NETO1: variants seen among roughly 807,000 people sequenced by gnomAD.
NETO1 encodes the protein neuropilin and tolloid-like protein 1.
A neutral mutation model predicts 61.3 loss-of-function variants in NETO1; 26 were observed. The observed-to-expected ratio is 0.42, with a 90% CI of 0.31 to 0.59. The LOEUF (loss-of-function observed/expected upper bound fraction) is 0.59. Among genes scored for constraint, NETO1 ranks in the 20% least tolerant of loss-of-function variants. The pLI, the probability that NETO1 is intolerant of heterozygous loss-of-function variation, is 0.12. For missense variants in NETO1, 531 were observed against 662.8 expected (o/e 0.80, Z 2.18); for synonymous variants, 225 against 225.8 (o/e 1.00, Z 0.03).
At chr18:72,806,840 A>G (rs2145173315) in intron 4 of NETO1, among the ~76,000 whole-genome samples, 1 of 152,312 alleles carries the variant, frequency 6.6e-6, no homozygotes, top group South Asian at 2.1e-4. Flanking sequence ...GTTTGTGTAC[A>G]CATCTTTACT....
chr18:72,756,151 A>C lies in NETO1; in HGVS notation c.869-4T>G, dbSNP rs767273627. The C allele has an allele frequency of 1.1e-5, 16 of 1,485,620 alleles. No homozygotes were observed. The highest frequency in any genetic ancestry group is 1.7e-4 in the Middle Eastern group (1 of 5,848). 92.0% of individuals were successfully genotyped at this position (1,485,620 alleles called of 1,614,324 possible). Reference sequence around the variant, plus strand: ...AATGTGTTGCCTTCACAAGGAGCTAAAAAGAAGAAGAACAAGACAAAGGAG... The same window carrying C: ...AATGTGTTGCCTTCACAAGGAGCTACAAAGAAGAAGAACAAGACAAAGGAG... On this transcript the variant is annotated splice_region_variant and splice_polypyrimidine_tract_variant and intron_variant, in intron 7 of 10. Coordinates refer to ENST00000327305, the MANE Select transcript of NETO1 (RefSeq NM_138966.5).
At chr18:72,778,220 C>T (rs1219432006) in intron 7 of NETO1, among the ~76,000 whole-genome samples, 1 of 152,166 alleles carries the variant, frequency 6.6e-6, no homozygotes, top group Non-Finnish European at 1.5e-5. Context: ...CTCTGACATA[C>T]CTTCAGTGTC....
chr18:72,763,028 T>A (rs1307695840), intron 7 of NETO1, among the ~76,000 whole-genome samples: 2 of 152,228 alleles, frequency 1.3e-5, no homozygotes, highest in Admixed American at 1.3e-4. Flanking sequence ...TTTTAGTGTT[T>A]ATCTCATGTG....
At chr18:72,794,476 C>A in intron 4 of NETO1, 72 bp from the exon 5 acceptor site, 1 of 1,443,712 alleles carries the variant, frequency 6.9e-7, no homozygotes, top group South Asian at 1.3e-5. Context: ...AGTTATTTAT[C>A]ATTAAGTTTT....
intron 4 of NETO1, among the ~76,000 whole-genome samples, chr18:72,814,717 T>C (rs1248456622): frequency 6.6e-6 from 1 of 152,120 alleles, no homozygotes; most frequent in East Asian, 1.9e-4. Flanking sequence ...ATGGCAATTA[T>C]AGGAATAAAG....
intron 7 of NETO1, among the ~76,000 whole-genome samples, chr18:72,782,113 T>TA (rs1471643322): frequency 6.6e-6 from 1 of 152,178 alleles, no homozygotes; most frequent in Non-Finnish European, 1.5e-5. Context: ...GATTTTCTGT[T>TA]ACTATATTAG....
At chr18:72,853,343 C>T (rs2074313090) in intron 4 of NETO1, 1 of 152,254 alleles carries the variant, frequency 6.6e-6, no homozygotes, top group Admixed American at 6.5e-5. Context: ...GCAGTTTTGC[C>T]ATTAAAGGTA....
chr18:72,788,705 T>C (rs1359930366), intron 6 of NETO1, among the ~76,000 whole-genome samples: 1 of 152,148 alleles, frequency 6.6e-6, no homozygotes. Flanking sequence ...GAGCAGGACA[T>C]GGAAAACTTC....
chr18:72,820,022 A>C lies in NETO1; in HGVS notation c.470-25618T>G, dbSNP rs145873875. 2.6e-3 allele frequency among the ~76,000 whole-genome samples: 400 copies of C among 152,320 alleles called. 4 individuals are homozygous for C. Among genetic ancestry groups the C allele is most frequent in the African/African-American group, 9.1e-3 (380 of 41,566 alleles). The stretch of plus-strand genomic sequence containing the variant: ...AACATGTAGATGGCACTCATCTGGC[A>C]CCAGAAAGATAAAATGGTTTCTATT... On this transcript the variant is annotated intron_variant, in intron 4 of 10. Coordinates refer to ENST00000327305, the MANE Select transcript of NETO1 (RefSeq NM_138966.5).
At chr18:72,754,203 T>C (rs1192445636) in intron 8 of NETO1, among the ~76,000 whole-genome samples, 2 of 152,018 alleles carry the variant, frequency 1.3e-5, no homozygotes, top group Non-Finnish European at 2.9e-5. Context: ...TTAAAAACTC[T>C]AAAATAATTA....
At chr18:72,838,177 C>G (rs2073815709) in intron 4 of NETO1, among the ~76,000 whole-genome samples, 1 of 152,236 alleles carries the variant, frequency 6.6e-6, no homozygotes, top group Non-Finnish European at 1.5e-5. Flanking sequence ...TCTGCAACTC[C>G]CTAGCTAAGA....
At chr18:72,865,016 A>G (rs2074692322) in intron 2 of NETO1, 71 bp from the exon 3 acceptor site, 1 of 1,500,044 alleles carries the variant, frequency 6.7e-7, no homozygotes. Context: ...AATAGAGGAC[A>G]TTCTTATAAT....
chr18:72,841,524 G>A (rs899844001), intron 4 of NETO1, among the ~76,000 whole-genome samples: 1 of 151,934 alleles, frequency 6.6e-6, no homozygotes, highest in African/African-American at 2.4e-5. Flanking sequence ...CCTGAGGTCA[G>A]GAGTTTGAGA....
chr18:72,773,209 C>A (rs1285842744), intron 7 of NETO1, among the ~76,000 whole-genome samples: 1 of 151,930 alleles, frequency 6.6e-6, no homozygotes, highest in African/African-American at 2.4e-5. Flanking sequence ...TTTCTACTAA[C>A]CACCTGTCCA....
chr18:72,836,615 T>C (rs1485566376), intron 4 of NETO1, among the ~76,000 whole-genome samples: 1 of 152,120 alleles, frequency 6.6e-6, no homozygotes, highest in African/African-American at 2.4e-5. Context: ...AGGATAAACA[T>C]AAACCAAAGC....
At chr18:72,793,020 T>C (rs1247098128) in intron 6 of NETO1, among the ~76,000 whole-genome samples, 1 of 152,182 alleles carries the variant, frequency 6.6e-6, no homozygotes, top group East Asian at 1.9e-4. Context: ...CTCTCTGTTA[T>C]ACCTTACAAA....
At chr18:72,864,163 T>TC (rs1040517568) in intron 3 of NETO1, among the ~76,000 whole-genome samples, 1 of 150,374 alleles carries the variant, frequency 6.7e-6, no homozygotes, top group African/African-American at 2.4e-5. Context: ...TCGCTTTGTC[T>TC]CAAAAAAAAA....
Position 72,746,020 on chromosome 18 carries a change from C to T in NETO1, c.*2159G>A, listed in dbSNP as rs934746577. ...CATTTAGTGTTTTTTTTTAAAGTCC[C>T]ATTGGTAGATTTCTGGTGAAAATAC... On this transcript the variant is annotated 3_prime_UTR_variant, in exon 11 of 11. Transcript: ENST00000327305. 6.6e-6 allele frequency: 1 copy of T among 151,978 alleles called. No individual in the cohort carries two copies. 9.4% of individuals were successfully genotyped at this position (151,978 alleles called of 1,614,324 possible).
chr18:72,843,829 GTAAGA>G (rs1394206792), intron 4 of NETO1, among the ~76,000 whole-genome samples: 1 of 152,214 alleles, frequency 6.6e-6, no homozygotes, highest in African/African-American at 2.4e-5. Context: ...AAGATTGTTT[GTAAGA>G]TAAGAGGCTA....
Sources: gnomAD v4.1 joint callset for allele counts (sites outside exome capture counted in the v4.1 genomes callset) on GRCh38, gnomAD v4.1.1 for gene constraint, MANE v1.5 for transcripts, NCBI Gene and HGNC (gene_info 2026-07-23, HGNC 2026-07-21) for gene names.